Variants in METTL2A observed in about 807,000 individuals in gnomAD.
METTL2A encodes methyltransferase 2A, tRNA N3-cytidine.
In METTL2A, 45 loss-of-function variants were observed where a neutral mutation model predicts 49.4. The ratio of observed to expected loss-of-function variants is 0.91; its 90% CI spans 0.72 to 1.17. METTL2A has a LOEUF of 1.17. Among genes scored for constraint, METTL2A ranks in the 50% most tolerant of loss-of-function variants. METTL2A has a pLI of 0.00. For synonymous variants in METTL2A, 118 were observed against 167.5 expected (o/e 0.70, Z 2.28); for missense variants, 361 against 462.2 (o/e 0.78, Z 2.01).
At chr17:62,439,360 C>T (rs2070722671) in intron 5 of METTL2A, among the ~76,000 whole-genome samples, 1 of 152,202 alleles carries the variant, frequency 6.6e-6, no homozygotes, top group African/African-American at 2.4e-5. Context: ...CTGCCTCAGC[C>T]TCCCAGGGTG....
intron 4 of METTL2A, among the ~76,000 whole-genome samples, chr17:62,432,025 C>T (rs2070669363): frequency 2.0e-5 from 3 of 151,640 alleles, no homozygotes. Flanking sequence ...GGCCGTAATA[C>T]AGTGGTTTTA....
At chr17:62,440,912 C>T (rs1187287374) in intron 6 of METTL2A, among the ~76,000 whole-genome samples, 156 bp downstream of exon 6, 1 of 152,068 alleles carries the variant, frequency 6.6e-6, no homozygotes, top group Admixed American at 6.6e-5. Flanking sequence ...CTTAAATGAT[C>T]CTCCCTCCTC....
In METTL2A at chr17:62,449,443, G is replaced by GC. The variant is rs2070791420; in HGVS notation, c.*715dup. 10 of 450,020 alleles carry GC rather than the reference G, an allele frequency of 2.2e-5. No homozygotes were observed. Among genetic ancestry groups the GC allele is most frequent in the Non-Finnish European group, 4.0e-5 (9 of 224,892 alleles). 27.9% of individuals were successfully genotyped at this position (450,020 alleles called of 1,614,324 possible). A position where few individuals can be genotyped will look rare whatever the true frequency, so the allele number is the denominator to read the frequency against. ...AATCTTAGTTCCGCCAGGCACGGTG[G>GC]CTCACACCTGTAATCCCAGCACTTT... On this transcript the variant is annotated 3_prime_UTR_variant, in exon 9 of 9. Coordinates refer to ENST00000311506, the MANE Select transcript of METTL2A (RefSeq NM_181725.4).
chr17:62,426,410 C>G lies in METTL2A; in HGVS notation c.314C>G (p.Pro105Arg), dbSNP rs2070627055. The change falls in exon 3 of 9, where the codon CCT becomes CGT. Residue 105 changes from proline to arginine, a missense_variant. Pro to Arg is a moderately radical substitution (Grantham distance 103). This residue lies in a region of METTL2A where 150 missense variants were observed against 170.1 expected (regional missense o/e 0.88). Coordinates refer to ENST00000311506, the MANE Select transcript of METTL2A (RefSeq NM_181725.4). ...WLFTEFPELAPSQNQNHLKDW... is the reference protein window; with the variant it reads ...WLFTEFPELARSQNQNHLKDW... ...TTTACCGAATTCCCTGAGCTGGCACCTAGCCAAAATCAAAATCATTTGAAG... is the reference window on the plus strand; with the variant it reads ...TTTACCGAATTCCCTGAGCTGGCACGTAGCCAAAATCAAAATCATTTGAAG... 4 of 1,614,094 alleles carry G rather than the reference C, an allele frequency of 2.5e-6. No individual in the cohort carries two copies. In the East Asian group the frequency reaches 6.7e-5, roughly 27 times the overall value.
intron 6 of METTL2A, among the ~76,000 whole-genome samples, chr17:62,441,337 T>TTTA (rs746775568): frequency 1.9e-4 from 29 of 152,236 alleles, no homozygotes; most frequent in Non-Finnish European, 2.8e-4. Flanking sequence ...CAGTCTCTAA[T>TTTA]GAGTATGTGG....
In METTL2A at chr17:62,444,847, G is replaced by A; in HGVS notation, c.820G>A (p.Ala274Thr). The A allele has an allele frequency of 6.2e-7, 1 of 1,613,840 alleles. No individual in the cohort carries two copies. The highest frequency in any genetic ancestry group is 8.5e-7 in the Non-Finnish European group (1 of 1,179,872). ...CCTGCTGCTCCACAGGATGCAGAAG[G>A]CTATCAACAGGCTGAGCAGGCTTCT... ...SAIVPDKMQK[A>T]INRLSRLLKP... is the part of the protein sequence containing the mutation. The change falls in exon 7 of 9, where the codon GCT becomes ACT. Residue 274 changes from alanine (A) to threonine (T), a missense_variant. This residue lies in a region of METTL2A where 183 missense variants were observed against 216.5 expected (regional missense o/e 0.85). Transcript: ENST00000311506.
intron 5 of METTL2A, among the ~76,000 whole-genome samples, chr17:62,439,789 A>G (rs1339625011): frequency 6.6e-6 from 1 of 151,762 alleles, no homozygotes; most frequent in Admixed American, 6.6e-5. Context: ...TTGGTCACTC[A>G]TTTTCATGAT....
At chr17:62,439,847 G>A (rs1161300321) in intron 5 of METTL2A, among the ~76,000 whole-genome samples, 3 of 151,974 alleles carry the variant, frequency 2.0e-5, no homozygotes, top group Non-Finnish European at 1.5e-5. Flanking sequence ...AGTACAGAAA[G>A]TACACAAGAA....
chr17:62,437,235 A>T (rs1463556462), intron 5 of METTL2A, among the ~76,000 whole-genome samples: 1 of 150,322 alleles, frequency 6.7e-6, no homozygotes, highest in African/African-American at 2.5e-5. Context: ...TTTTGGGCTC[A>T]GGCGAACCTG....
intron 4 of METTL2A, among the ~76,000 whole-genome samples, chr17:62,429,005 C>CA (rs2070646804): frequency 6.6e-6 from 1 of 152,198 alleles, no homozygotes; most frequent in African/African-American, 2.4e-5. Context: ...AGACTGGTCT[C>CA]AAACTCCTGG....
In METTL2A at chr17:62,449,305, G is replaced by T. The variant is rs1185924111; in HGVS notation, c.*576G>T. The T allele has an allele frequency of 2.5e-6, 1 of 401,404 alleles. No individual in the cohort carries two copies. Among genetic ancestry groups the T allele is most frequent in the African/African-American group, 2.1e-5 (1 of 46,828 alleles). The allele number at this position is 401,404 out of a possible 1,614,324, so 24.9% of individuals were successfully genotyped here. A position where few individuals can be genotyped will look rare whatever the true frequency, so the allele number is the denominator to read the frequency against. On this transcript the variant is annotated 3_prime_UTR_variant, in exon 9 of 9. Coordinates refer to ENST00000311506, the MANE Select transcript of METTL2A (RefSeq NM_181725.4). ...GTGAAGGGCTTATTAAGTTGTAGGGGAAGCAAGCTGGGAAGAATCAGATCA... is the reference window on the plus strand; with the variant it reads ...GTGAAGGGCTTATTAAGTTGTAGGGTAAGCAAGCTGGGAAGAATCAGATCA...
chr17:62,439,346 C>T (rs148941409), intron 5 of METTL2A, among the ~76,000 whole-genome samples: 5,098 of 151,796 alleles, frequency 0.034, 292 homozygotes, highest in African/African-American at 0.11. Flanking sequence ...CTCAAGTGAT[C>T]CTCCTGCCTC....
chr17:62,437,407 C>T (rs1567735756), intron 5 of METTL2A, among the ~76,000 whole-genome samples: 4 of 152,070 alleles, frequency 2.6e-5, no homozygotes, highest in African/African-American at 7.2e-5. Context: ...TGTTTTTTCC[C>T]TCTTTGCATA....
At chr17:62,426,739 A>C in intron 3 of METTL2A, 85 bp downstream of exon 3, 5 of 980,830 alleles carry the variant, frequency 5.1e-6, no homozygotes, top group Non-Finnish European at 7.6e-6. Flanking sequence ...TGACAACAAA[A>C]GTAACTTCTA....
chr17:62,439,746 G>A (rs1373405603), intron 5 of METTL2A, among the ~76,000 whole-genome samples: 1 of 151,890 alleles, frequency 6.6e-6, no homozygotes, highest in Non-Finnish European at 1.5e-5. Flanking sequence ...AGTATGTGCT[G>A]TCTCTCTCCT....
At position 62,426,435 on chromosome 17, in the gene METTL2A, G is replaced by T; in HGVS notation, c.339G>T (p.Lys113Asn). 1 of 1,614,142 alleles carries T rather than the reference G, an allele frequency of 6.2e-7. No homozygotes were observed. Among genetic ancestry groups the T allele is most frequent in the South Asian group, 1.1e-5 (1 of 91,080 alleles). The change falls in exon 3 of 9, where the codon AAG (lysine) becomes AAT (asparagine). Residue 113 changes from lysine (K) to asparagine (N), a missense_variant. This residue lies in a region of METTL2A where 150 missense variants were observed against 170.1 expected (regional missense o/e 0.88). Coordinates refer to ENST00000311506, the MANE Select transcript of METTL2A (RefSeq NM_181725.4). The stretch of plus-strand genomic sequence containing the variant: ...CTAGCCAAAATCAAAATCATTTGAA[G>T]GACTGGTTCTTGGAGAACAAGAGTG... Reference protein sequence around the residue: ...LAPSQNQNHLKDWFLENKSEV... With the variant: ...LAPSQNQNHLNDWFLENKSEV...
chr17:62,439,180 T>C (rs141080377), intron 5 of METTL2A, among the ~76,000 whole-genome samples: 5,068 of 151,278 alleles, frequency 0.034, 294 homozygotes, highest in African/African-American at 0.11. Context: ...GGGGTTTCAC[T>C]GTGTTGGCCA....
intron 4 of METTL2A, among the ~76,000 whole-genome samples, chr17:62,430,334 A>T (rs1310667656): frequency 6.6e-6 from 1 of 152,236 alleles, no homozygotes; most frequent in Non-Finnish European, 1.5e-5. Context: ...TGTAGATGGC[A>T]TCTTTGCCAC....
chr17:62,435,310 T>C lies in METTL2A; in HGVS notation c.669+18T>C, dbSNP rs2070693709. On this transcript the variant is annotated intron_variant, in intron 5 of 8. Transcript: ENST00000311506. ...TGGTCCAGGTGAGTACAATGGGAAA[T>C]TACCTATTGGTAATTTCCACTGATT... The C allele has an allele frequency of 1.9e-6, 3 of 1,613,918 alleles. No homozygotes were observed. In the East Asian group the frequency reaches 6.7e-5, roughly 36 times the overall value.
Sources: allele counts gnomAD v4.1 joint callset (sites outside exome capture counted in the v4.1 genomes callset), GRCh38; gene constraint gnomAD v4.1.1; regional missense constraint gnomAD v4.1.1; transcripts MANE v1.5; gene names NCBI Gene and HGNC (gene_info 2026-07-23, HGNC 2026-07-21).